The following TRIM2 variants were observed in gnomAD, a reference collection of about 807,000 sequenced individuals.
TRIM2 encodes the protein tripartite motif containing 2.
In TRIM2, 20 loss-of-function variants were observed where a neutral mutation model predicts 75.2. That is an observed-to-expected ratio of 0.27 (90% CI 0.19 to 0.39). The LOEUF (loss-of-function observed/expected upper bound fraction) is 0.39, where lower values mean the gene tolerates loss of function less well. TRIM2 is among the 10% of genes least tolerant of loss of function. The pLI, the probability that TRIM2 is intolerant of heterozygous loss-of-function variation, is 1.00. For synonymous variants in TRIM2, 373 were observed against 388.3 expected, an observed-to-expected ratio of 0.96 and a Z score of 0.46; for missense variants, 660 against 990.8, an observed-to-expected ratio of 0.67 and a Z score of 4.48.
intron 4 of TRIM2, among the ~76,000 whole-genome samples, chr4:153,293,605 C>A (rs1762240700): frequency 2.0e-5 from 3 of 152,012 alleles, no homozygotes. Context: ...TTCTTTGGCA[C>A]AGAAATGAAA....
intron 1 of TRIM2, among the ~76,000 whole-genome samples, chr4:153,221,907 AAGGGAGGGAGGGAGAGGG>A: frequency 1.0e-5 from 1 of 96,118 alleles, no homozygotes. Flanking sequence ...GGGAGGAAGG[AAGGGAGGGAGGGAGAGGG>A]AGAAAAGGAA....
intron 6 of TRIM2, among the ~76,000 whole-genome samples, chr4:153,297,413 A>C (rs1762992950): frequency 6.6e-6 from 1 of 152,122 alleles, no homozygotes; most frequent in Non-Finnish European, 1.5e-5. Context: ...CTGTACTTCA[A>C]CTTCTATGTC....
chr4:153,337,545 T>G lies in TRIM2; in HGVS notation c.*2579T>G, dbSNP rs548110510. 36 of 985,830 alleles carry G rather than the reference T, an allele frequency of 3.7e-5. No individual in the cohort carries two copies. In the South Asian group the frequency reaches 1.6e-3, roughly 45 times the overall value. 61.1% of individuals were successfully genotyped at this position (985,830 alleles called of 1,614,324 possible). On this transcript the variant is annotated 3_prime_UTR_variant, in exon 12 of 12. Coordinates refer to ENST00000338700, the MANE Select transcript of TRIM2 (RefSeq NM_015271.5). ...ATATGTGATTATATATGTTAAAGTA[T>G]AGATAACATTTCACACTTGGATACA...
At chr4:153,222,597 A>G (rs1740907619) in intron 1 of TRIM2, 1 of 152,088 alleles carries the variant, frequency 6.6e-6, no homozygotes, top group Non-Finnish European at 1.5e-5. Context: ...GGCGACATCT[A>G]ATCCAGGATT....
chr4:153,298,597 A>G (rs1157677392), intron 6 of TRIM2, among the ~76,000 whole-genome samples: 3 of 152,212 alleles, frequency 2.0e-5, no homozygotes, highest in African/African-American at 4.8e-5. Context: ...GGTGTACAAC[A>G]TGATGTTTTG....
intron 1 of TRIM2, chr4:153,257,672 C>T (rs1752404140): frequency 2.7e-6 from 3 of 1,126,726 alleles, no homozygotes; most frequent in Non-Finnish European, 3.6e-6. Context: ...CAGAAACGTG[C>T]GTTGTTCTTT....
intron 1 of TRIM2, among the ~76,000 whole-genome samples, chr4:153,198,552 C>T (rs997196335): frequency 6.6e-6 from 1 of 152,194 alleles, no homozygotes; most frequent in East Asian, 1.9e-4. Context: ...TCTTTATCAG[C>T]AGCGTAAAAA....
In TRIM2 at chr4:153,295,988, G is replaced by A; in HGVS notation, c.1462G>A (p.Gly488Arg). The stretch of plus-strand genomic sequence containing the variant: ...AAGACCCGCAAGCATGTACAGCACT[G>A]GAAAACGAAAAGAGAATCCCATCGA... Reference protein sequence around the residue: ...VKRPASMYSTGKRKENPIEDD... With the variant: ...VKRPASMYSTRKRKENPIEDD... The change falls in exon 6 of 12, where the codon GGA becomes AGA. Residue 488 changes from glycine (G) to arginine (R), a missense_variant. Gly to Arg is a moderately radical substitution (Grantham distance 125). This residue lies in a region of TRIM2 where 620 missense variants were observed against 891.0 expected (regional missense o/e 0.70). Coordinates refer to ENST00000338700, the MANE Select transcript of TRIM2 (RefSeq NM_015271.5). The surrounding 1 kb of genome is among the most constrained non-coding windows in gnomAD (Gnocchi z 7.2). 1 of 1,531,094 alleles carries A rather than the reference G, an allele frequency of 6.5e-7. No individual in the cohort carries two copies. The highest frequency in any genetic ancestry group is 8.8e-7 in the Non-Finnish European group (1 of 1,142,294). 94.8% of individuals were successfully genotyped at this position (1,531,094 alleles called of 1,614,324 possible).
intron 4 of TRIM2, 91 bp from the exon 5 acceptor site, chr4:153,294,214 G>T: frequency 2.2e-6 from 3 of 1,362,044 alleles, no homozygotes; most frequent in Non-Finnish European, 3.0e-6. Flanking sequence ...GAAAGGCATA[G>T]AATTTTTTTA....
chr4:153,270,580 C>A, intron 2 of TRIM2, 61 bp downstream of exon 2: 2 of 1,393,990 alleles, frequency 1.4e-6, no homozygotes, highest in East Asian at 2.5e-5. Context: ...CAACCTACTG[C>A]AGGATTCTTT....
chr4:153,323,658 A>T (rs892597675), intron 9 of TRIM2, among the ~76,000 whole-genome samples: 3 of 152,024 alleles, frequency 2.0e-5, no homozygotes, highest in Admixed American at 6.6e-5. Context: ...ATCAATTTTT[A>T]AAAATTACAT....
intron 1 of TRIM2, among the ~76,000 whole-genome samples, chr4:153,181,610 G>C (rs1232814711): frequency 6.6e-6 from 1 of 152,180 alleles, no homozygotes; most frequent in Non-Finnish European, 1.5e-5. Context: ...ATGCGCCAGG[G>C]ATGAGATGTA....
intron 1 of TRIM2, among the ~76,000 whole-genome samples, chr4:153,216,067 A>T (rs188190218): frequency 6.6e-6 from 1 of 152,184 alleles, no homozygotes. Context: ...TTGGCAAGCA[A>T]TTGAGAAAAA....
At chr4:153,277,270 C>G (rs1758240646) in intron 3 of TRIM2, among the ~76,000 whole-genome samples, 1 of 152,198 alleles carries the variant, frequency 6.6e-6, no homozygotes. Context: ...TTATTCTCTT[C>G]CTTGAAGTCT....
At chr4:153,165,246 C>A (rs550827917) in intron 1 of TRIM2, among the ~76,000 whole-genome samples, 1 of 152,248 alleles carries the variant, frequency 6.6e-6, no homozygotes, top group Non-Finnish European at 1.5e-5. Flanking sequence ...TGGTTTAATT[C>A]TGTTTTTCTG....
At chr4:153,217,668 T>C (rs963841813) in intron 1 of TRIM2, among the ~76,000 whole-genome samples, 11 of 152,140 alleles carry the variant, frequency 7.2e-5, no homozygotes, top group African/African-American at 2.2e-4. Flanking sequence ...ATTTCTTTGA[T>C]TGATCACCAG....
At chr4:153,218,422 G>A (rs1739075314) in intron 1 of TRIM2, among the ~76,000 whole-genome samples, 1 of 152,078 alleles carries the variant, frequency 6.6e-6, no homozygotes, top group South Asian at 2.1e-4. Context: ...GTTGCCCAGG[G>A]TGGCCTCCCA....
At chr4:153,244,407 T>G (rs1229941924) in intron 1 of TRIM2, among the ~76,000 whole-genome samples, 1 of 95,618 alleles carries the variant, frequency 1.0e-5, no homozygotes, top group Admixed American at 1.2e-4. Context: ...TTCTTCTTCT[T>G]CTTCTTCTTC....
intron 8 of TRIM2, among the ~76,000 whole-genome samples, chr4:153,316,405 GAT>G (rs933284079): frequency 6.3e-4 from 96 of 152,276 alleles, no homozygotes; most frequent in African/African-American, 2.2e-3. Context: ...TGTGACAGAT[GAT>G]ATGGGAGAAA....
Sources: gnomAD v4.1 joint callset for allele counts (sites outside exome capture counted in the v4.1 genomes callset) on GRCh38, gnomAD v4.1.1 for gene constraint, gnomAD v4.1.1 regional missense constraint, Gnocchi (gnomAD v3.1) non-coding constraint, MANE v1.5 for transcripts, NCBI Gene and HGNC (gene_info 2026-07-23, HGNC 2026-07-21) for gene names.